The following CFAP53 variants were observed in gnomAD, a reference collection of about 807,000 sequenced individuals.
CFAP53 encodes the protein cilia and flagella associated protein 53, also known as cilia- and flagella-associated protein 53.
CFAP53 carries 62 observed loss-of-function variants against 59.7 expected under a neutral mutation model. The ratio of observed to expected loss-of-function variants is 1.04; its 90% CI spans 0.85 to 1.28. The LOEUF (loss-of-function observed/expected upper bound fraction) is 1.28, where lower values mean the gene tolerates loss of function less well. Ranked by LOEUF, CFAP53 falls within the 50% of genes most tolerant of loss-of-function variation. CFAP53 has a pLI of 0.00. For missense variants in CFAP53, 629 were observed against 615.6 expected (o/e 1.02, Z -0.23); for synonymous variants, 218 against 205.7 (o/e 1.06, Z -0.51).
intron 2 of CFAP53, 104 bp from the exon 3 acceptor site, chr18:50,261,341 A>C: frequency 8.1e-7 from 1 of 1,235,284 alleles, no homozygotes. Context: ...TAAGAAAAGA[A>C]AGATCACTGC....
intron 7 of CFAP53, among the ~76,000 whole-genome samples, chr18:50,236,140 G>A (rs566655697): frequency 4.6e-5 from 7 of 152,184 alleles, no homozygotes; most frequent in African/African-American, 1.4e-4. Flanking sequence ...CAAACACCTC[G>A]GCTGACAGAA....
chr18:50,257,271 AGCAATCAG>A (rs1367362946), intron 3 of CFAP53, among the ~76,000 whole-genome samples: 2 of 152,190 alleles, frequency 1.3e-5, no homozygotes, highest in African/African-American at 4.8e-5. Context: ...TCCTAGCTAG[AGCAATCAG>A]GCAAGAGAAA....
intron 6 of CFAP53, 120 bp downstream of exon 6, chr18:50,242,780 C>G: frequency 1.2e-6 from 1 of 815,626 alleles, no homozygotes; most frequent in Non-Finnish European, 2.0e-6. Flanking sequence ...CTCCTGCCTT[C>G]ATCCTTTTTG....
chr18:50,238,307 T>C (rs1174483722), intron 7 of CFAP53, among the ~76,000 whole-genome samples: 1 of 152,206 alleles, frequency 6.6e-6, no homozygotes, highest in African/African-American at 2.4e-5. Context: ...GGTTGGAGTG[T>C]AGTGGCACAA....
intron 7 of CFAP53, among the ~76,000 whole-genome samples, chr18:50,236,692 C>G (rs1446833177): frequency 1.3e-5 from 2 of 152,222 alleles, no homozygotes; most frequent in African/African-American, 4.8e-5. Flanking sequence ...TCAGCATACA[C>G]TGCCAGCTAT....
chr18:50,231,747 C>G lies in CFAP53; in HGVS notation c.1317-4138G>C, dbSNP rs7242693. ...ACTCTCTGGTCAGAAGTCCCTAATC[C>G]CTACGTGTGATGCGACTGGCAGCAG... On this transcript the variant is annotated intron_variant, in intron 7 of 7. Transcript: ENST00000398545. 6.3e-3 allele frequency among the ~76,000 whole-genome samples: 954 copies of G among 152,270 alleles called. 8 individuals carry two copies. The highest frequency in any genetic ancestry group is 0.022 in the African/African-American group (901 of 41,552).
rs1271571675 is a variant in CFAP53, at chr18:50,238,695, T to C, written c.1224A>G (p.Glu408=). ...KLQVQEKLQR[E]AKEQEERAME... ...TAGCACGTTCTTCCTGTTCTTTAGC[T>C]TCTCGTTGCACTAAGAAAAGCAAAA... is the stretch of plus-strand genomic sequence containing the variant. The change falls in exon 7 of 8, where the codon GAA becomes GAG. Residue 408 remains glutamate (E), a synonymous_variant. Transcript: ENST00000398545. 3 of 1,610,584 alleles carry C rather than the reference T, an allele frequency of 1.9e-6. No individual in the cohort carries two copies. Among genetic ancestry groups the C allele is most frequent in the Non-Finnish European group, 1.7e-6 (2 of 1,178,568 alleles).
At chr18:50,249,609 A>G (rs530913020) in intron 5 of CFAP53, among the ~76,000 whole-genome samples, 1 of 152,188 alleles carries the variant, frequency 6.6e-6, no homozygotes, top group Non-Finnish European at 1.5e-5. Context: ...ATGCTAAGTG[A>G]AAAAGGCTAT....
chr18:50,261,231 A>G lies in CFAP53; in HGVS notation c.306T>C (p.Arg102=), dbSNP rs778317921. ...INIEERRNKL[R]ELLALEENEY... Reference sequence around the variant, plus strand: ...CATTTTCTTCTAATGCTAAAAGCTCACGTAGCCTGAAACAAAAAGCCAAAA... The same window carrying G: ...CATTTTCTTCTAATGCTAAAAGCTCGCGTAGCCTGAAACAAAAAGCCAAAA... The change falls in exon 3 of 8, where the codon CGT becomes CGC. Residue 102 remains arginine, a synonymous_variant. Transcript: ENST00000398545. 6.8e-7 allele frequency: 1 copy of G among 1,475,576 alleles called. No homozygotes were observed. The highest frequency in any genetic ancestry group is 1.5e-5 in the African/African-American group (1 of 65,654). The allele number at this position is 1,475,576 out of a possible 1,614,324, so 91.4% of individuals were successfully genotyped here.
chr18:50,248,733 C>T (rs1052821328), intron 5 of CFAP53, among the ~76,000 whole-genome samples: 2 of 148,754 alleles, frequency 1.3e-5, no homozygotes, highest in Non-Finnish European at 1.5e-5. Context: ...TACAGTGAGC[C>T]GAGACCATGC....
chr18:50,235,227 C>T (rs2033621766), intron 7 of CFAP53, among the ~76,000 whole-genome samples: 1 of 152,216 alleles, frequency 6.6e-6, no homozygotes, highest in Non-Finnish European at 1.5e-5. Flanking sequence ...AAAGCTTCTC[C>T]AGCTGGGTTT....
At chr18:50,264,669 G>A (rs1599134491) in intron 1 of CFAP53, among the ~76,000 whole-genome samples, 1 of 152,188 alleles carries the variant, frequency 6.6e-6, no homozygotes, top group Non-Finnish European at 1.5e-5. Context: ...TCAGACACCG[G>A]AGGAGCAGAT....
At chr18:50,230,608 C>G (rs566851936) in intron 7 of CFAP53, among the ~76,000 whole-genome samples, 4 of 152,282 alleles carry the variant, frequency 2.6e-5, no homozygotes, top group Non-Finnish European at 2.9e-5. Context: ...GTCGTGGGAA[C>G]CCCCAATTTA....
chr18:50,266,448 C>T lies in CFAP53; in HGVS notation c.-44G>A, dbSNP rs1341593745. Reference sequence around the variant, plus strand: ...ACGGGGGCGGCGTCCGCCGCGTTTCCCCCAACCGTGGCGACCTGCGGGACC... The same window carrying T: ...ACGGGGGCGGCGTCCGCCGCGTTTCTCCCAACCGTGGCGACCTGCGGGACC... On this transcript the variant is annotated 5_prime_UTR_variant, in exon 1 of 8. Transcript: ENST00000398545. The T allele has an allele frequency of 1.9e-6, 3 of 1,599,546 alleles. No homozygotes were observed. Among genetic ancestry groups the T allele is most frequent in the Non-Finnish European group, 2.6e-6 (3 of 1,166,678 alleles).
At chr18:50,254,753 G>C (rs1159444866) in intron 3 of CFAP53, among the ~76,000 whole-genome samples, 2 of 152,106 alleles carry the variant, frequency 1.3e-5, no homozygotes, top group African/African-American at 4.8e-5. Context: ...AGCCGGGCTT[G>C]GTTGGTGCAT....
chr18:50,266,363 C>G lies in CFAP53; in HGVS notation c.42G>C (p.Lys14Asn). Reference sequence around the variant, plus strand: ...CGATCACCACTTTGGGGGTGGGGCCCTTAACCTCCCGCTGTACGGTGCCAA... The same window carrying G: ...CGATCACCACTTTGGGGGTGGGGCCGTTAACCTCCCGCTGTACGGTGCCAA... ...QRFGTVQREVKGPTPKVVIVR... is the reference protein window; with the variant it reads ...QRFGTVQREVNGPTPKVVIVR... The change falls in exon 1 of 8, where the codon AAG becomes AAC. Residue 14 changes from lysine (K) to asparagine (N), a missense_variant. Coordinates refer to ENST00000398545, the MANE Select transcript of CFAP53 (RefSeq NM_145020.5). 1 of 1,614,270 alleles carries G rather than the reference C, an allele frequency of 6.2e-7. No homozygotes were observed. Among genetic ancestry groups the G allele is most frequent in the Non-Finnish European group, 8.5e-7 (1 of 1,180,046 alleles).
chr18:50,230,614 A>G lies in CFAP53; in HGVS notation c.1317-3005T>C, dbSNP rs79633770. 9.1e-3 allele frequency among the ~76,000 whole-genome samples: 1,383 copies of G among 152,248 alleles called. 21 individuals are homozygous for G. Among genetic ancestry groups the G allele is most frequent in the African/African-American group, 0.031 (1,280 of 41,546 alleles). On this transcript the variant is annotated intron_variant, in intron 7 of 7. Coordinates refer to ENST00000398545, the MANE Select transcript of CFAP53 (RefSeq NM_145020.5). The stretch of plus-strand genomic sequence containing the variant: ...GAGGAGGAGGTCGTGGGAACCCCCA[A>G]TTTATAGCTGGTTGATCAGAAGGTG...
intron 6 of CFAP53, among the ~76,000 whole-genome samples, chr18:50,239,661 T>A (rs565410470): frequency 6.6e-6 from 1 of 152,316 alleles, no homozygotes; most frequent in East Asian, 1.9e-4. Context: ...GGTCTGTTTT[T>A]ATAACAGATT....
intron 7 of CFAP53, among the ~76,000 whole-genome samples, chr18:50,236,161 C>T (rs2879234): frequency 0.64 from 97,142 of 151,912 alleles, 31,593 homozygotes; most frequent in East Asian, 0.78. Flanking sequence ...GAATGCAAGT[C>T]AGCTCCCTGC....
Sources: allele counts gnomAD v4.1 joint callset (sites outside exome capture counted in the v4.1 genomes callset), GRCh38; gene constraint gnomAD v4.1.1; transcripts MANE v1.5; gene names NCBI Gene and HGNC (gene_info 2026-07-23, HGNC 2026-07-21).